The following TRAPPC9 variants were observed in gnomAD, a reference collection of about 807,000 sequenced individuals.
TRAPPC9 encodes IKK2 binding protein.
A neutral mutation model predicts 124.0 loss-of-function variants in TRAPPC9; 83 were observed. That is an observed-to-expected ratio of 0.67 (90% confidence interval 0.56 to 0.80). TRAPPC9 has a LOEUF of 0.80. TRAPPC9 is among the 30% of genes least tolerant of loss of function. The pLI is 0.00. For synonymous variants in TRAPPC9, 638 were observed against 617.5 expected (o/e 1.03, Z -0.49); for missense variants, 1,302 against 1,508.3 (o/e 0.86, Z 2.27).
At chr8:139,948,037 C>T (rs912757523) in intron 19 of TRAPPC9, among the ~76,000 whole-genome samples, 2 of 150,746 alleles carry the variant, frequency 1.3e-5, no homozygotes, top group Non-Finnish European at 2.9e-5. Flanking sequence ...ACTTGCATGG[C>T]CGTGGGAACA....
rs2065097777 is a variant in TRAPPC9, at chr8:140,275,772, C to T, written c.2164G>A (p.Val722Ile). 1.2e-6 allele frequency: 2 copies of T among 1,613,248 alleles called. No homozygotes were observed. Among genetic ancestry groups the T allele is most frequent in the African/African-American group, 2.7e-5 (2 of 74,888 alleles). Reference protein sequence around the residue: ...PSSGDEISTNVSVQLYNGESQ... With the variant: ...PSSGDEISTNISVQLYNGESQ... ...TCTCCATTGTAAAGCTGGACAGATACATTAGTAGATATTTCATCACCAGAA... is the reference window on the plus strand; with the variant it reads ...TCTCCATTGTAAAGCTGGACAGATATATTAGTAGATATTTCATCACCAGAA... The change falls in exon 15 of 23, where the codon GTA becomes ATA. Residue 722 changes from valine to isoleucine, a missense_variant. Around this residue, in one of 3 missense-constraint regions of TRAPPC9, gnomAD observed 640 missense variants for 679.3 expected, o/e 0.94. Coordinates refer to ENST00000438773, the MANE Select transcript of TRAPPC9 (RefSeq NM_001160372.4).
At chr8:139,771,165 C>A (rs1446923920) in intron 21 of TRAPPC9, among the ~76,000 whole-genome samples, 4 of 152,182 alleles carry the variant, frequency 2.6e-5, no homozygotes, top group African/African-American at 7.2e-5. Context: ...TCCCAGCCAC[C>A]TCCAGTCCTG....
At chr8:140,445,997 C>G (rs1303357643) in intron 2 of TRAPPC9, among the ~76,000 whole-genome samples, 1 of 152,162 alleles carries the variant, frequency 6.6e-6, no homozygotes, top group Admixed American at 6.5e-5. Context: ...TTAGCGTCAA[C>G]AAATGCAGAC....
intron 19 of TRAPPC9, chr8:139,911,434 G>T (rs1353555784): frequency 6.6e-6 from 1 of 152,150 alleles, no homozygotes; most frequent in Non-Finnish European, 1.5e-5. Flanking sequence ...TTTTGGGCCG[G>T]GTGCGACACC....
chr8:140,063,852 G>A lies in TRAPPC9; in HGVS notation c.2557-39773C>T, dbSNP rs111668725. The stretch of plus-strand genomic sequence containing the variant: ...ACCCTTTCGGGTTCACAATTTGCCC[G>A]CTTCCTATCACACCCCTAAATGCAA... On this transcript the variant is annotated intron_variant, in intron 17 of 22. Coordinates refer to ENST00000438773, the MANE Select transcript of TRAPPC9 (RefSeq NM_001160372.4). The surrounding 1 kb of genome is among the most constrained non-coding windows in gnomAD (Gnocchi z 4.3). 0.012 allele frequency among the ~76,000 whole-genome samples: 1,872 copies of A among 152,072 alleles called. 39 individuals carry two copies. Among genetic ancestry groups the A allele is most frequent in the African/African-American group, 0.042 (1,742 of 41,442 alleles).
intron 12 of TRAPPC9, among the ~76,000 whole-genome samples, chr8:140,289,591 T>C (rs1398188884): frequency 6.6e-6 from 1 of 152,148 alleles, no homozygotes; most frequent in Non-Finnish European, 1.5e-5. Flanking sequence ...CTCCATGTGG[T>C]GCTTTTTATT....
intron 9 of TRAPPC9, among the ~76,000 whole-genome samples, chr8:140,325,168 C>T (rs1460836352): frequency 1.3e-5 from 2 of 152,114 alleles, no homozygotes; most frequent in African/African-American, 4.8e-5. Flanking sequence ...AAAAACACAA[C>T]AGGTCAATAT....
chr8:139,776,762 T>TG lies in TRAPPC9; in HGVS notation c.3056-44561_3056-44560insC, dbSNP rs1273071922. Among the ~76,000 whole-genome samples, 1 of 152,072 alleles carries TG rather than the reference T, an allele frequency of 6.6e-6. No individual in the cohort carries two copies. The highest frequency in any genetic ancestry group is 2.4e-5 in the African/African-American group (1 of 41,406). ...CCCAGCTAACAAAAGGAATGATAAA[T>TG]CTTACCTGGGAAACGACTGCATAAG... is the stretch of plus-strand genomic sequence containing the variant. On this transcript the variant is annotated intron_variant, in intron 21 of 22. Coordinates refer to ENST00000438773, the MANE Select transcript of TRAPPC9 (RefSeq NM_001160372.4). The surrounding 1 kb of genome is among the most constrained non-coding windows in gnomAD (Gnocchi z 4.1).
chr8:140,380,306 A>G (rs2068564389), intron 7 of TRAPPC9, among the ~76,000 whole-genome samples: 1 of 152,246 alleles, frequency 6.6e-6, no homozygotes, highest in Non-Finnish European at 1.5e-5. Context: ...CCAATGGGGA[A>G]AGAATTGTCT....
At chr8:140,127,130 C>T (rs528103618) in intron 17 of TRAPPC9, among the ~76,000 whole-genome samples, 1 of 152,238 alleles carries the variant, frequency 6.6e-6, no homozygotes, top group African/African-American at 2.4e-5. Context: ...TTAAGATGGT[C>T]AAGTGCAAAA....
At chr8:139,839,449 G>A (rs1366317706) in intron 21 of TRAPPC9, among the ~76,000 whole-genome samples, 1 of 152,244 alleles carries the variant, frequency 6.6e-6, no homozygotes, top group African/African-American at 2.4e-5. Flanking sequence ...CAGGTAGTGA[G>A]GGGCTGACAG....
intron 17 of TRAPPC9, among the ~76,000 whole-genome samples, chr8:140,151,073 C>T (rs1260370959): frequency 1.3e-5 from 2 of 152,056 alleles, no homozygotes; most frequent in Admixed American, 6.5e-5. Flanking sequence ...ATCAGCTGCA[C>T]CGGAACAGAA....
At chr8:140,045,772 G>A (rs1424410310) in intron 17 of TRAPPC9, among the ~76,000 whole-genome samples, 2 of 151,364 alleles carry the variant, frequency 1.3e-5, no homozygotes, top group African/African-American at 2.4e-5. Context: ...AGGAGGACAC[G>A]CCCAGCTCAG....
chr8:139,814,291 T>A (rs1215050342), intron 21 of TRAPPC9, among the ~76,000 whole-genome samples: 2 of 152,176 alleles, frequency 1.3e-5, no homozygotes, highest in African/African-American at 4.8e-5. Context: ...TCCATGCCAA[T>A]GGCCTTCCCC....
At chr8:140,221,419 G>T in intron 17 of TRAPPC9, 40 bp downstream of exon 17, 1 of 1,612,580 alleles carries the variant, frequency 6.2e-7, no homozygotes. Context: ...GCAGAAGCCC[G>T]AACGGCACGT....
At position 140,264,581 on chromosome 8, in the gene TRAPPC9, G is replaced by A. The variant is rs2064551883; in HGVS notation, c.2278+11077C>T. On this transcript the variant is annotated intron_variant, in intron 15 of 22. Transcript: ENST00000438773. The stretch of plus-strand genomic sequence containing the variant: ...TAGAAAAAAAACGGGGCGGGGGAAA[G>A]AAGAGAGAGAGAGGAGGGGGAGGGG... 2.4e-5 allele frequency among the ~76,000 whole-genome samples: 3 copies of A among 125,514 alleles called. No individual in the cohort carries two copies. The South Asian group carries it at 8.9e-4, about 37-fold the overall frequency. The allele number at this position is 125,514 out of a possible 152,430, so 82.3% of individuals were successfully genotyped here. A position where few individuals can be genotyped will look rare whatever the true frequency, so the allele number is the denominator to read the frequency against.
chr8:140,313,618 T>G (rs1190684225), intron 9 of TRAPPC9, among the ~76,000 whole-genome samples: 1 of 152,016 alleles, frequency 6.6e-6, no homozygotes, highest in Non-Finnish European at 1.5e-5. Context: ...GAAGGCCAGG[T>G]TGGGGATGCC....
At chr8:140,327,626 T>C (rs1452344788) in intron 9 of TRAPPC9, among the ~76,000 whole-genome samples, 1 of 152,172 alleles carries the variant, frequency 6.6e-6, no homozygotes, top group Non-Finnish European at 1.5e-5. Flanking sequence ...AGATAAACCT[T>C]AAAACATGCT....
At chr8:140,198,596 G>A (rs184661570) in intron 17 of TRAPPC9, among the ~76,000 whole-genome samples, 4 of 152,216 alleles carry the variant, frequency 2.6e-5, no homozygotes, top group African/African-American at 7.2e-5. Flanking sequence ...TCTGCTCCCC[G>A]AATGCCCAGG....
Sources: allele counts gnomAD v4.1 joint callset (sites outside exome capture counted in the v4.1 genomes callset), GRCh38; gene constraint gnomAD v4.1.1; regional missense constraint gnomAD v4.1.1; non-coding constraint Gnocchi (gnomAD v3.1); transcripts MANE v1.5; gene names NCBI Gene and HGNC (gene_info 2026-07-23, HGNC 2026-07-21).